Variants in PNMT observed in about 807,000 individuals in gnomAD.
PNMT encodes the protein phenylethanolamine N-methyltransferase, also known as noradrenaline N-methyltransferase.
A neutral mutation model predicts 18.9 loss-of-function variants in PNMT; 18 were observed. That is an observed-to-expected ratio of 0.95 (90% confidence interval 0.66 to 1.41). PNMT has a LOEUF of 1.41. Ranked by LOEUF, PNMT falls within the 40% of genes most tolerant of loss-of-function variation. The pLI, the probability that PNMT is intolerant of heterozygous loss-of-function variation, is 0.00. For synonymous variants in PNMT, 167 were observed against 168.6 expected, an observed-to-expected ratio of 0.99 and a Z score of 0.08; for missense variants, 378 against 387.0, an observed-to-expected ratio of 0.98 and a Z score of 0.20.
Position 39,670,158 on chromosome 17 carries a change from G to C in PNMT, c.618G>C (p.Arg206Ser). 6.2e-7 allele frequency: 1 copy of C among 1,612,052 alleles called. No homozygotes were observed. Among genetic ancestry groups the C allele is most frequent in the Non-Finnish European group, 8.5e-7 (1 of 1,179,934 alleles). Residue 206 changes from arginine to serine, a missense_variant, in exon 3 of 3, where the codon AGG becomes AGC. Transcript: ENST00000269582. ...TGGACCACATCACCACGCTGCTGAG[G>C]CCTGGGGGGCACCTCCTCCTCATCG... Reference protein sequence around the residue: ...RALDHITTLLRPGGHLLLIGA... With the variant: ...RALDHITTLLSPGGHLLLIGA...
chr17:39,669,532 T>G, intron 1 of PNMT, 97 bp from the exon 2 acceptor site: 1 of 842,092 alleles, frequency 1.2e-6, no homozygotes, highest in Admixed American at 1.9e-5. Flanking sequence ...AAGGAAGAAC[T>G]AGAGAGAGGC....
At chr17:39,669,478 T>G in intron 1 of PNMT, 151 bp from the exon 2 acceptor site, 1 of 643,464 alleles carries the variant, frequency 1.6e-6, no homozygotes, top group East Asian at 2.7e-5. Context: ...AGTCTAACTC[T>G]GGGGCCAATG....
At chr17:39,668,735 C>T in intron 1 of PNMT, 58 bp downstream of exon 1, 3 of 1,368,426 alleles carry the variant, frequency 2.2e-6, no homozygotes, top group Non-Finnish European at 3.0e-6. Context: ...TGAAAGCAGG[C>T]GCAGGGAAAT....
At position 39,669,746 on chromosome 17, in the gene PNMT, G is replaced by A. The variant is rs139957551; in HGVS notation, c.320G>A (p.Arg107His). ...ATGACAGATTTCCTGGAGGTCAACC[G>A]CCAGGAGCTGGGGCGCTGGCTGCAG... The part of the protein sequence containing the change: ...ITMTDFLEVN[R>H]QELGRWLQEE... Residue 107 changes from arginine (R) to histidine (H), a missense_variant, in exon 2 of 3, where the codon CGC (arginine) becomes CAC (histidine). Arg to His is a conservative substitution (Grantham distance 29). Transcript: ENST00000269582. 3.9e-5 allele frequency: 63 copies of A among 1,613,758 alleles called. 1 individual carries two copies. The South Asian group carries it at 4.1e-4, about 10-fold the overall frequency.
rs367593603 is a variant in PNMT at position 39,668,651 on chromosome 17, G to A, written c.176G>A (p.Arg59His). ...AACGGCGTCGGGCCGTGGAAGCTGC[G>A]CTGCTTGGCGCAGACCTTCGCCACC... Reference protein sequence around the residue: ...NPNGVGPWKLRCLAQTFATGE... With the variant: ...NPNGVGPWKLHCLAQTFATGE... The change falls in exon 1 of 3, where the codon CGC (arginine) becomes CAC (histidine). Residue 59 changes from arginine to histidine, a missense_variant. Physicochemically the swap from Arg to His is conservative, Grantham distance 29 (BLOSUM62 0). Transcript: ENST00000269582. The A allele has an allele frequency of 5.7e-6, 9 of 1,592,144 alleles. No homozygotes were observed. The highest frequency in any genetic ancestry group is 2.3e-5 in the East Asian group (1 of 43,098).
Position 39,670,162 on chromosome 17 carries a change from G to A in PNMT, c.622G>A (p.Gly208Arg). 1 of 1,611,686 alleles carries A rather than the reference G, an allele frequency of 6.2e-7. No individual in the cohort carries two copies. Among genetic ancestry groups the A allele is most frequent in the South Asian group, 1.1e-5 (1 of 91,028 alleles). ...LDHITTLLRPGGHLLLIGALE... is the reference protein window; with the variant it reads ...LDHITTLLRPRGHLLLIGALE... ...CCACATCACCACGCTGCTGAGGCCT[G>A]GGGGGCACCTCCTCCTCATCGGGGC... The change falls in exon 3 of 3, where the codon GGG (glycine) becomes AGG (arginine). Residue 208 changes from glycine (G) to arginine (R), a missense_variant. Gly to Arg is a moderately radical substitution (Grantham distance 125). Transcript: ENST00000269582.
At chr17:39,668,416 C>T, upstream of PNMT, 1 of 1,305,360 alleles carries the variant, frequency 7.7e-7, no homozygotes. Context: ...GGGCGGGGGT[C>T]GGGCGGTAGA....
In PNMT at chr17:39,670,398, C is replaced by T. The variant is rs747904710; in HGVS notation, c.*9C>T. On this transcript the variant is annotated 3_prime_UTR_variant, in exon 3 of 3. Coordinates refer to ENST00000269582, the MANE Select transcript of PNMT (RefSeq NM_002686.4). ...AGAAGGTTGGGCTGTGAGGGCTGTA[C>T]CTGGTGCCCTGTGGCCCCCACCCAC... 6.4e-7 allele frequency: 1 copy of T among 1,554,078 alleles called. No individual in the cohort carries two copies. Among genetic ancestry groups the T allele is most frequent in the Non-Finnish European group, 8.7e-7 (1 of 1,149,068 alleles).
Position 39,668,454 on chromosome 17 carries a change from C to T in PNMT, c.-22C>T. 1.4e-6 allele frequency: 2 copies of T among 1,382,536 alleles called. No individual in the cohort carries two copies. The highest frequency in any genetic ancestry group is 1.6e-5 in the South Asian group (1 of 61,536). The allele number at this position is 1,382,536 out of a possible 1,614,324, so 85.6% of individuals were successfully genotyped here. On this transcript the variant is annotated 5_prime_UTR_variant, in exon 1 of 3. Transcript: ENST00000269582. ...AAAGGGCCGCGAGGCGAGCGGGGCA[C>T]TGGGCGGACCGCGGCGGCAGCATGA...
At chr17:39,668,883 A>T (rs1339242046) in intron 1 of PNMT, among the ~76,000 whole-genome samples, 1 of 147,844 alleles carries the variant, frequency 6.8e-6, no homozygotes, top group Non-Finnish European at 1.5e-5. Flanking sequence ...AGGTGGAGAG[A>T]GGGGGCGGAG....
rs370785052 is a variant in PNMT, at chr17:39,670,229, C to T, written c.689C>T (p.Thr230Met). ...SWYLAGEARLTVVPVSEEEVR... is the reference protein window; with the variant it reads ...SWYLAGEARLMVVPVSEEEVR... The stretch of plus-strand genomic sequence containing the variant: ...TACCTGGCTGGGGAGGCCAGGCTGA[C>T]GGTGGTGCCAGTGTCTGAGGAGGAG... The change falls in exon 3 of 3, where the codon ACG becomes ATG. Residue 230 changes from threonine to methionine, a missense_variant. Thr to Met is a moderately conservative substitution (Grantham distance 81). Coordinates refer to ENST00000269582, the MANE Select transcript of PNMT (RefSeq NM_002686.4). The T allele has an allele frequency of 9.3e-6, 15 of 1,610,436 alleles. No homozygotes were observed. Among genetic ancestry groups the T allele is most frequent in the Admixed American group, 5.0e-5 (3 of 59,690 alleles).
In PNMT at chr17:39,670,398, C is replaced by G. The variant is rs747904710; in HGVS notation, c.*9C>G. On this transcript the variant is annotated 3_prime_UTR_variant, in exon 3 of 3. Coordinates refer to ENST00000269582, the MANE Select transcript of PNMT (RefSeq NM_002686.4). ...AGAAGGTTGGGCTGTGAGGGCTGTA[C>G]CTGGTGCCCTGTGGCCCCCACCCAC... is the stretch of plus-strand genomic sequence containing the variant. The G allele has an allele frequency of 4.5e-6, 7 of 1,554,078 alleles. No individual in the cohort carries two copies. The highest frequency in any genetic ancestry group is 1.8e-5 in the Admixed American group (1 of 55,584).
In PNMT at chr17:39,668,513, C is replaced by G. The variant is rs765862908; in HGVS notation, c.38C>G (p.Ala13Gly). ...GADRSPNAGA[A>G]PDSAPGQAAV... ...GACCGTAGCCCCAATGCGGGCGCAG[C>G]CCCTGACTCGGCCCCGGGCCAGGCG... Residue 13 changes from alanine to glycine, a missense_variant, in exon 1 of 3, where the codon GCC (alanine) becomes GGC (glycine). Ala to Gly is a moderately conservative substitution (Grantham distance 60). Transcript: ENST00000269582. The G allele has an allele frequency of 7.2e-6, 11 of 1,534,942 alleles. No individual in the cohort carries two copies. The African/African-American group carries it at 9.6e-5, about 13-fold the overall frequency.
chr17:39,669,294 G>T (rs1448622148), intron 1 of PNMT, among the ~76,000 whole-genome samples: 1 of 152,074 alleles, frequency 6.6e-6, no homozygotes, highest in Non-Finnish European at 1.5e-5. Flanking sequence ...TGTTGGTCAG[G>T]CTGGTCTCGA....
In PNMT at chr17:39,669,661, G is replaced by C; in HGVS notation, c.235G>C (p.Gly79Arg). 1 of 1,614,136 alleles carries C rather than the reference G, an allele frequency of 6.2e-7. No individual in the cohort carries two copies. The highest frequency in any genetic ancestry group is 8.5e-7 in the Non-Finnish European group (1 of 1,180,014). Residue 79 changes from glycine to arginine, a missense_variant, in exon 2 of 3, where the codon GGT (glycine) becomes CGT (arginine). By Grantham distance (125) the Gly-to-Arg change is moderately radical. Coordinates refer to ENST00000269582, the MANE Select transcript of PNMT (RefSeq NM_002686.4). ...GTCCGGACGCACCCTCATCGACATTGGTTCAGGCCCCACCGTGTACCAGCT... is the reference window on the plus strand; with the variant it reads ...GTCCGGACGCACCCTCATCGACATTCGTTCAGGCCCCACCGTGTACCAGCT... ...EVSGRTLIDI[G>R]SGPTVYQLLS...
intron 1 of PNMT, 26 bp downstream of exon 1, chr17:39,668,703 G>C (rs762231229): frequency 6.5e-6 from 10 of 1,534,872 alleles, no homozygotes; most frequent in Admixed American, 1.9e-5. Context: ...TGAGGCACGA[G>C]GGACAAGAGG....
chr17:39,668,712 G>T lies in PNMT; in HGVS notation c.202+35G>T, dbSNP rs4646319. The T allele has an allele frequency of 4.8e-4, 725 of 1,510,266 alleles. 9 individuals carry two copies. In the East Asian group the frequency reaches 0.018, roughly 37 times the overall value. 93.6% of individuals were successfully genotyped at this position (1,510,266 alleles called of 1,614,324 possible). A position where few individuals can be genotyped will look rare whatever the true frequency, so the allele number is the denominator to read the frequency against. ...GGAAACTGAGGCACGAGGGACAAGA[G>T]GTCGTCGGGGAGTGAAAGCAGGCGC... On this transcript the variant is annotated intron_variant, in intron 1 of 2. Transcript: ENST00000269582.
intron 1 of PNMT, 71 bp downstream of exon 1, chr17:39,668,748 A>G: frequency 4.7e-6 from 6 of 1,271,406 alleles, no homozygotes; most frequent in Non-Finnish European, 6.5e-6. Flanking sequence ...AGGGAAATAA[A>G]AAGAAGGAAA....
At position 39,670,099 on chromosome 17, in the gene PNMT, G is replaced by C. The variant is rs1319169963; in HGVS notation, c.559G>C (p.Val187Leu). The change falls in exon 3 of 3, where the codon GTG becomes CTG. Residue 187 changes from valine to leucine, a missense_variant. Transcript: ENST00000269582. ...ALVSAFCLEA[V>L]SPDLASFQRA... ...GGTCTCTGCCTTCTGCTTGGAGGCT[G>C]TGAGCCCAGATCTTGCCAGCTTTCA... 6.2e-7 allele frequency: 1 copy of C among 1,610,104 alleles called. No homozygotes were observed. The highest frequency in any genetic ancestry group is 8.5e-7 in the Non-Finnish European group (1 of 1,179,984).
Sources: allele counts gnomAD v4.1 joint callset (sites outside exome capture counted in the v4.1 genomes callset), GRCh38; gene constraint gnomAD v4.1.1; transcripts MANE v1.5; gene names NCBI Gene and HGNC (gene_info 2026-07-23, HGNC 2026-07-21).